Variants in SORCS3 observed in about 807,000 individuals in gnomAD.
SORCS3 encodes sortilin related VPS10 domain containing receptor 3, also known as VPS10 domain-containing receptor SorCS3.
SORCS3 carries 57 observed loss-of-function variants against 146.3 expected under a neutral mutation model. That is an observed-to-expected ratio of 0.39 (90% CI 0.31 to 0.49). The LOEUF (loss-of-function observed/expected upper bound fraction) is 0.49. Ranked by LOEUF, SORCS3 falls within the 20% of genes least tolerant of loss-of-function variation. SORCS3 has a pLI of 0.92. For synonymous variants in SORCS3, 653 were observed against 618.5 expected (o/e 1.06, Z -0.83); for missense variants, 1,341 against 1,575.5 (o/e 0.85, Z 2.52).
At chr10:104,714,988 G>A (rs1303355073) in intron 1 of SORCS3, among the ~76,000 whole-genome samples, 3 of 152,142 alleles carry the variant, frequency 2.0e-5, no homozygotes, top group African/African-American at 7.2e-5. Context: ...GGGGTTGGGA[G>A]GAATGAGTAT....
At chr10:104,826,042 ATC>A (rs2017931606) in intron 1 of SORCS3, among the ~76,000 whole-genome samples, 1 of 151,972 alleles carries the variant, frequency 6.6e-6, no homozygotes. Context: ...TATATATCTT[ATC>A]TCTCCCTTGG....
intron 1 of SORCS3, among the ~76,000 whole-genome samples, chr10:104,769,769 GT>G (rs2017225607): frequency 6.6e-6 from 1 of 152,144 alleles, no homozygotes; most frequent in Admixed American, 6.5e-5. Context: ...CCCTCTCTGT[GT>G]GTGCGACCTT....
rs538331866 is a variant in SORCS3 at position 104,822,605 on chromosome 10, G to T, written c.628-20187G>T. 2.0e-5 allele frequency among the ~76,000 whole-genome samples: 3 copies of T among 152,286 alleles called. No homozygotes were observed. The South Asian group carries it at 6.2e-4, about 32-fold the overall frequency. ...GGCATATGTTATTTTAGGCAACCCA[G>T]ATCACTTTCTGGTGGGAATATTGGT... On this transcript the variant is annotated intron_variant, in intron 1 of 26. Coordinates refer to ENST00000369701, the MANE Select transcript of SORCS3 (RefSeq NM_014978.3).
intron 6 of SORCS3, among the ~76,000 whole-genome samples, chr10:105,097,879 C>T (rs574507116): frequency 3.9e-5 from 6 of 152,110 alleles, no homozygotes; most frequent in Admixed American, 3.3e-4. Flanking sequence ...GCAAAACATT[C>T]GAAGCATCTA....
intron 3 of SORCS3, among the ~76,000 whole-genome samples, chr10:104,931,338 A>G (rs6584641): frequency 0.49 from 74,797 of 152,072 alleles, 22,138 homozygotes; most frequent in African/African-American, 0.84. Context: ...GAAGACCCTG[A>G]CATTAGGGCG....
At chr10:104,953,763 A>G (rs1228450925) in intron 3 of SORCS3, among the ~76,000 whole-genome samples, 17 of 152,186 alleles carry the variant, frequency 1.1e-4, no homozygotes, top group Admixed American at 1.1e-3. Context: ...AACATCTACA[A>G]TGTACCAGAC....
intron 2 of SORCS3, among the ~76,000 whole-genome samples, chr10:104,863,409 G>T (rs141358148): frequency 6.6e-6 from 1 of 152,276 alleles, no homozygotes; most frequent in East Asian, 1.9e-4. Flanking sequence ...TTAGGACCTA[G>T]GATGTGTTCT....
chr10:104,863,677 G>A (rs2018429855), intron 2 of SORCS3, among the ~76,000 whole-genome samples: 1 of 152,206 alleles, frequency 6.6e-6, no homozygotes. Context: ...CCTGGGTCTA[G>A]CAGCTGTGGG....
intron 25 of SORCS3, among the ~76,000 whole-genome samples, chr10:105,258,952 C>T (rs1186212785): frequency 6.6e-6 from 1 of 152,156 alleles, no homozygotes; most frequent in African/African-American, 2.4e-5. Flanking sequence ...AATGCTTAAG[C>T]CCTTTGGTTG....
At chr10:104,790,142 A>G (rs1490171) in intron 1 of SORCS3, among the ~76,000 whole-genome samples, 88,009 of 152,128 alleles carry the variant, frequency 0.58, 26,419 homozygotes, top group East Asian at 0.89. Context: ...ACAGTACTAA[A>G]TAACATGATG....
At chr10:104,774,856 C>G (rs555661857) in intron 1 of SORCS3, among the ~76,000 whole-genome samples, 4 of 152,174 alleles carry the variant, frequency 2.6e-5, no homozygotes, top group Non-Finnish European at 1.5e-5. Context: ...CAGAGTCCCT[C>G]TCAGCACTGA....
chr10:104,938,620 G>A (rs2019282786), intron 3 of SORCS3, among the ~76,000 whole-genome samples: 1 of 152,118 alleles, frequency 6.6e-6, no homozygotes, highest in Admixed American at 6.5e-5. Flanking sequence ...GCAGAAGTCA[G>A]TTCCAAGGGG....
rs369944819 is a variant in SORCS3, at chr10:104,739,271, CAGA to C, written c.627+97320_627+97322del. Among the ~76,000 whole-genome samples the C allele has an allele frequency of 5.1e-3, 782 of 152,302 alleles. 5 individuals are homozygous for C. Among genetic ancestry groups the C allele is most frequent in the African/African-American group, 0.017 (725 of 41,570 alleles). On this transcript the variant is annotated intron_variant, in intron 1 of 26. Coordinates refer to ENST00000369701, the MANE Select transcript of SORCS3 (RefSeq NM_014978.3). ...CTCCAAATGCCGGAGACAAGAGAAA[CAGA>C]AGTTGTATTTGCAGAATAGTAAATA... is the stretch of plus-strand genomic sequence containing the variant.
At chr10:105,192,059 GT>G (rs1451448752) in intron 14 of SORCS3, among the ~76,000 whole-genome samples, 1 of 151,684 alleles carries the variant, frequency 6.6e-6, no homozygotes, top group African/African-American at 2.4e-5. Context: ...AAAAACTTCA[GT>G]TTTTTATATT....
At chr10:105,105,710 A>C (rs1421677503) in intron 7 of SORCS3, among the ~76,000 whole-genome samples, 195 bp downstream of exon 7, 1 of 152,166 alleles carries the variant, frequency 6.6e-6, no homozygotes, top group East Asian at 1.9e-4. Flanking sequence ...GAATCCTTCC[A>C]TTGGATTGCC....
chr10:104,720,803 G>A (rs1334604445), intron 1 of SORCS3, among the ~76,000 whole-genome samples: 2 of 152,184 alleles, frequency 1.3e-5, no homozygotes, highest in Non-Finnish European at 1.5e-5. Flanking sequence ...CATATCCTTT[G>A]CCCACTTGTT....
At chr10:104,880,017 C>T (rs1045704465) in intron 2 of SORCS3, among the ~76,000 whole-genome samples, 1 of 152,282 alleles carries the variant, frequency 6.6e-6, no homozygotes, top group Non-Finnish European at 1.5e-5. Context: ...TCCTTTCTCT[C>T]AGGACCCAAT....
intron 4 of SORCS3, among the ~76,000 whole-genome samples, chr10:105,010,371 G>A (rs1188555505): frequency 3.3e-5 from 5 of 152,168 alleles, no homozygotes; most frequent in African/African-American, 1.2e-4. Flanking sequence ...ATCTCAGTTA[G>A]ACAAAAAGAC....
chr10:105,030,723 G>T (rs1842835987), intron 4 of SORCS3, among the ~76,000 whole-genome samples: 1 of 151,898 alleles, frequency 6.6e-6, no homozygotes, highest in South Asian at 2.1e-4. Flanking sequence ...CTCCCACGTA[G>T]CTGGGATTAC....
Sources: gnomAD v4.1 joint callset for allele counts (sites outside exome capture counted in the v4.1 genomes callset) on GRCh38, gnomAD v4.1.1 for gene constraint, MANE v1.5 for transcripts, NCBI Gene and HGNC (gene_info 2026-07-23, HGNC 2026-07-21) for gene names.